The following CHRM3 variants were observed in gnomAD, a reference collection of about 807,000 sequenced individuals.
CHRM3 encodes muscarinic acetylcholine receptor M3.
CHRM3 carries 11 observed loss-of-function variants against 41.8 expected under a neutral mutation model. That is an observed-to-expected ratio of 0.26 (90% CI 0.17 to 0.44). The LOEUF (loss-of-function observed/expected upper bound fraction) is 0.44, where lower values mean the gene tolerates loss of function less well. Ranked by LOEUF, CHRM3 falls within the 20% of genes least tolerant of loss-of-function variation. The probability of loss-of-function intolerance (pLI) is 1.00; values close to 1 mark genes in which losing one functional copy is unlikely to be tolerated. For synonymous variants in CHRM3, 297 were observed against 301.4 expected (o/e 0.99, Z 0.15); for missense variants, 571 against 745.4 (o/e 0.77, Z 2.72).
chr1:239,506,826 G>A (rs1426323581), intron 2 of CHRM3, among the ~76,000 whole-genome samples: 4 of 152,188 alleles, frequency 2.6e-5, no homozygotes, highest in Non-Finnish European at 4.4e-5. Context: ...AGCTGCCCAA[G>A]ACCATGGGAA....
rs540629421 is a variant in CHRM3 at position 239,507,049 on chromosome 1, T to C, written c.-422+14242T>C. On this transcript the variant is annotated intron_variant, in intron 2 of 6. Transcript: ENST00000676153. ...AGGAAGTAACTAACTTCCTTTTGAT[T>C]TTACAGTCTCATAAGCAGAAGGGAC... Among the ~76,000 whole-genome samples, 4 of 152,288 alleles carry C rather than the reference T, an allele frequency of 2.6e-5. No individual in the cohort carries two copies. The South Asian group carries it at 8.3e-4, about 32-fold the overall frequency.
chr1:239,549,212 T>C (rs1290016587), intron 3 of CHRM3, among the ~76,000 whole-genome samples: 2 of 152,012 alleles, frequency 1.3e-5, no homozygotes, highest in African/African-American at 2.4e-5. Flanking sequence ...GAATTTAAGA[T>C]GAGATTTTGG....
chr1:239,388,505 G>C (rs1417493749), intron 1 of CHRM3, among the ~76,000 whole-genome samples: 1 of 152,094 alleles, frequency 6.6e-6, no homozygotes, highest in African/African-American at 2.4e-5. Context: ...TCGTTATATC[G>C]CATGAACCAT....
chr1:239,815,385 A>T (rs1671494140), intron 5 of CHRM3, among the ~76,000 whole-genome samples: 1 of 152,130 alleles, frequency 6.6e-6, no homozygotes, highest in Admixed American at 6.5e-5. Context: ...TTGCATTTTT[A>T]ATCAAGTTTT....
chr1:239,406,285 G>A (rs573518346), intron 1 of CHRM3, among the ~76,000 whole-genome samples: 5 of 152,190 alleles, frequency 3.3e-5, no homozygotes, highest in Admixed American at 2.6e-4. Context: ...GTTCAAATAG[G>A]CTTTGCAAAA....
chr1:239,849,313 A>C (rs1363683375), intron 6 of CHRM3, among the ~76,000 whole-genome samples: 1 of 152,196 alleles, frequency 6.6e-6, no homozygotes, highest in Admixed American at 6.5e-5. Flanking sequence ...TGATGATTCA[A>C]GTATCATTGT....
At chr1:239,486,964 C>T (rs1667221551) in intron 1 of CHRM3, among the ~76,000 whole-genome samples, 2 of 152,214 alleles carry the variant, frequency 1.3e-5, no homozygotes, top group South Asian at 4.1e-4. Context: ...TGCTCTATGT[C>T]ACTGAATTTC....
intron 6 of CHRM3, among the ~76,000 whole-genome samples, chr1:239,888,135 G>A (rs1390311367): frequency 6.6e-6 from 1 of 152,162 alleles, no homozygotes; most frequent in Non-Finnish European, 1.5e-5. Context: ...GCCAAGGCAG[G>A]AGGATTGCTT....
At chr1:239,394,908 G>A (rs1313309111) in intron 1 of CHRM3, among the ~76,000 whole-genome samples, 1 of 151,922 alleles carries the variant, frequency 6.6e-6, no homozygotes, top group African/African-American at 2.4e-5. Context: ...TACACTCACC[G>A]AACAGCAATC....
intron 5 of CHRM3, among the ~76,000 whole-genome samples, chr1:239,765,570 C>T (rs574934082): frequency 9.2e-5 from 14 of 152,274 alleles, no homozygotes; most frequent in Admixed American, 9.2e-4. Context: ...CTTGATGTTG[C>T]TGGTTTCAGA....
intron 3 of CHRM3, among the ~76,000 whole-genome samples, chr1:239,592,226 A>C (rs937485449): frequency 5.9e-5 from 9 of 152,198 alleles, no homozygotes; most frequent in Admixed American, 5.2e-4. Context: ...ACTATATTTA[A>C]AATTGAACTT....
At chr1:239,783,901 C>G (rs895004338) in intron 5 of CHRM3, among the ~76,000 whole-genome samples, 1 of 152,078 alleles carries the variant, frequency 6.6e-6, no homozygotes, top group Admixed American at 6.6e-5. Context: ...CTATTGTTCC[C>G]TTCTTATGTC....
intron 1 of CHRM3, among the ~76,000 whole-genome samples, chr1:239,486,451 A>G (rs907544890): frequency 2.0e-5 from 3 of 152,178 alleles, no homozygotes; most frequent in Non-Finnish European, 2.9e-5. Flanking sequence ...ACACACAAGA[A>G]CAATAGAAAA....
At chr1:239,399,303 A>G (rs1433646886) in intron 1 of CHRM3, among the ~76,000 whole-genome samples, 1 of 151,290 alleles carries the variant, frequency 6.6e-6, no homozygotes, top group East Asian at 1.9e-4. Context: ...AAATGATTAC[A>G]TCAGACTAAT....
chr1:239,807,208 A>C (rs939954782), intron 5 of CHRM3, among the ~76,000 whole-genome samples: 2 of 152,228 alleles, frequency 1.3e-5, no homozygotes, highest in African/African-American at 4.8e-5. Context: ...TTTAAAATGC[A>C]GTTTCTTTTT....
chr1:239,665,073 C>T lies in CHRM3; in HGVS notation c.-249-13113C>T, dbSNP rs1673639021. ...TGGAAAAAAATGGTCCCTTCCACGA[C>T]TATATTCACTTTTCTCCATCCTCTC... On this transcript the variant is annotated intron_variant, in intron 4 of 6. Transcript: ENST00000676153. Among the ~76,000 whole-genome samples the T allele has an allele frequency of 2.0e-5, 3 of 150,390 alleles. No individual in the cohort carries two copies. In the South Asian group the frequency reaches 6.4e-4, roughly 32 times the overall value.
intron 1 of CHRM3, among the ~76,000 whole-genome samples, chr1:239,435,659 A>G (rs1366306748): frequency 2.0e-5 from 3 of 152,088 alleles, no homozygotes; most frequent in Non-Finnish European, 4.4e-5. Flanking sequence ...CTTAAAAAAA[A>G]GTGTGCGCAG....
intron 2 of CHRM3, among the ~76,000 whole-genome samples, chr1:239,509,649 G>T (rs186228850): frequency 1.3e-5 from 2 of 152,280 alleles, no homozygotes; most frequent in East Asian, 1.9e-4. Context: ...CATTATTTAT[G>T]ATATTATAAT....
intron 3 of CHRM3, among the ~76,000 whole-genome samples, chr1:239,602,295 C>T (rs765302577): frequency 3.3e-5 from 5 of 151,666 alleles, no homozygotes; most frequent in African/African-American, 4.9e-5. Flanking sequence ...GAAACATGGA[C>T]AATTTTAGGT....
Sources: allele counts gnomAD v4.1 joint callset (sites outside exome capture counted in the v4.1 genomes callset), GRCh38; gene constraint gnomAD v4.1.1; transcripts MANE v1.5; gene names NCBI Gene and HGNC (gene_info 2026-07-23, HGNC 2026-07-21).